Variants in ALK observed in about 807,000 individuals in gnomAD.
ALK encodes ALK tyrosine kinase receptor.
Under a neutral mutation model 163.1 loss-of-function variants are expected in ALK, and 74 were observed. The ratio of observed to expected loss-of-function variants is 0.45; its 90% CI spans 0.38 to 0.55. The LOEUF is 0.55. Among genes scored for constraint, ALK ranks in the 20% least tolerant of loss-of-function variants. ALK has a pLI of 0.00. For missense variants in ALK, 2,063 were observed against 2,105.3 expected (o/e 0.98, Z 0.39); for synonymous variants, 960 against 843.2 (o/e 1.14, Z -2.40).
chr2:29,705,287 A>ATATC (rs1358711305), intron 2 of ALK, among the ~76,000 whole-genome samples: 30 of 117,632 alleles, frequency 2.6e-4, no homozygotes, highest in African/African-American at 4.6e-4. Flanking sequence ...ATATAAATAT[A>ATATC]TATCTGCTGT....
chr2:29,608,294 T>C (rs1351418017), intron 3 of ALK, among the ~76,000 whole-genome samples: 3 of 152,232 alleles, frequency 2.0e-5, no homozygotes, highest in African/African-American at 2.4e-5. Flanking sequence ...CTAGAACATA[T>C]GCTTCATGAA....
At chr2:29,528,736 A>AT (rs915415360) in intron 4 of ALK, among the ~76,000 whole-genome samples, 1 of 152,186 alleles carries the variant, frequency 6.6e-6, no homozygotes, top group African/African-American at 2.4e-5. Flanking sequence ...ATGCCATTTC[A>AT]CAGCTCACCA....
chr2:29,229,005 C>A lies in ALK; in HGVS notation c.2694G>T (p.Glu898Asp), dbSNP rs1297457984. Residue 898 changes from glutamate (E) to aspartate (D), a missense_variant, in exon 16 of 29, where the codon GAG (glutamate) becomes GAT (aspartate). Glu to Asp is a conservative substitution (Grantham distance 45). Transcript: ENST00000389048. ...GGCAGGAATGTCCTCCGGTGGCACC[C>A]TCCTGCAAAGATTTTCCGGCCCAGA... ...SLLWAGKSLQ[E>D]GATGGHSCPQ... The A allele has an allele frequency of 6.2e-7, 1 of 1,613,432 alleles. No individual in the cohort carries two copies. Among genetic ancestry groups the A allele is most frequent in the Non-Finnish European group, 8.5e-7 (1 of 1,179,806 alleles).
rs1491072132 is a variant in ALK at position 29,288,959 on chromosome 2, T to TAAAAA, written c.1817+7928_1817+7929insTTTTT. Among the ~76,000 whole-genome samples the TAAAAA allele has an allele frequency of 1.2e-3, 31 of 25,016 alleles. 5 individuals carry two copies. Among genetic ancestry groups the TAAAAA allele is most frequent in the Non-Finnish European group, 1.1e-3 (10 of 9,254 alleles). The allele number at this position is 25,016 out of a possible 152,430, so 16.4% of individuals were successfully genotyped here. On this transcript the variant is annotated intron_variant, in intron 9 of 28. Transcript: ENST00000389048. The stretch of plus-strand genomic sequence containing the variant: ...AGAGGGAGACTCCTTCTCAAAAAAA[T>TAAAAA]AAATAAATAAATAAATAAATAAATA...
intron 1 of ALK, among the ~76,000 whole-genome samples, chr2:29,738,858 T>A (rs140523353): frequency 6.6e-6 from 1 of 152,248 alleles, no homozygotes; most frequent in African/African-American, 2.4e-5. Context: ...GGATATTTGC[T>A]ATTGACAATC....
chr2:29,578,480 C>T (rs116273272), intron 3 of ALK, among the ~76,000 whole-genome samples: 269 of 152,244 alleles, frequency 1.8e-3, no homozygotes, highest in African/African-American at 6.2e-3. Flanking sequence ...GTGCTGATGC[C>T]GAAAGGGTCT....
chr2:29,272,055 T>A (rs1261957610), intron 11 of ALK, among the ~76,000 whole-genome samples: 1 of 152,132 alleles, frequency 6.6e-6, no homozygotes, highest in Non-Finnish European at 1.5e-5. Context: ...CTGGGCTTTT[T>A]AGGGAAAGAG....
Position 29,665,011 on chromosome 2 carries a change from T to C in ALK, c.952+29839A>G, listed in dbSNP as rs1677471257. Among the ~76,000 whole-genome samples the C allele has an allele frequency of 3.3e-5, 5 of 150,626 alleles. No homozygotes were observed. In the South Asian group the frequency reaches 1.1e-3, roughly 32 times the overall value. ...CTTTTTTTTCTTTTTTTCTTTTTTT[T>C]TTTTTTTGAGACCTGCTCTCACTGT... On this transcript the variant is annotated intron_variant, in intron 3 of 28. Transcript: ENST00000389048.
chr2:29,264,220 G>T (rs1166617806), intron 11 of ALK, among the ~76,000 whole-genome samples: 2 of 152,202 alleles, frequency 1.3e-5, no homozygotes, highest in Admixed American at 1.3e-4. Flanking sequence ...AAGGCCTTCA[G>T]AGCTTTGGGT....
chr2:29,519,090 G>A (rs1423321438), intron 4 of ALK, among the ~76,000 whole-genome samples: 3 of 152,216 alleles, frequency 2.0e-5, no homozygotes, highest in Non-Finnish European at 4.4e-5. Flanking sequence ...AAACACAAGA[G>A]GTTTGGAGAT....
chr2:29,515,832 A>T (rs746731662), intron 4 of ALK, among the ~76,000 whole-genome samples: 7 of 152,242 alleles, frequency 4.6e-5, no homozygotes, highest in African/African-American at 7.2e-5. Context: ...TTTAGAAACA[A>T]TTAAGTATAG....
At chr2:29,327,298 G>A (rs915914658) in intron 6 of ALK, among the ~76,000 whole-genome samples, 2 of 152,122 alleles carry the variant, frequency 1.3e-5, no homozygotes, top group Admixed American at 6.5e-5. Context: ...AAGCACAGAC[G>A]CTGTGCCAGG....
chr2:29,818,691 T>A (rs576066522), intron 1 of ALK, among the ~76,000 whole-genome samples: 12 of 152,248 alleles, frequency 7.9e-5, no homozygotes, highest in Non-Finnish European at 1.5e-4. Context: ...GGTTTGACTG[T>A]GGCTGGCACA....
chr2:29,897,203 C>T (rs1021483405), intron 1 of ALK, among the ~76,000 whole-genome samples: 12 of 152,064 alleles, frequency 7.9e-5, no homozygotes, highest in African/African-American at 2.7e-4. Context: ...GCCTGTAATC[C>T]CAGCTACTCG....
intron 1 of ALK, among the ~76,000 whole-genome samples, chr2:29,732,616 C>T (rs901303607): frequency 6.6e-5 from 10 of 152,180 alleles, no homozygotes; most frequent in Non-Finnish European, 7.3e-5. Context: ...ATTCACATGT[C>T]GAAACCCACT....
chr2:29,810,247 C>G (rs182524321), intron 1 of ALK, among the ~76,000 whole-genome samples: 31 of 152,032 alleles, frequency 2.0e-4, no homozygotes, highest in African/African-American at 7.0e-4. Flanking sequence ...CAGGGTGATA[C>G]GCCATCTCTA....
intron 3 of ALK, among the ~76,000 whole-genome samples, chr2:29,644,098 G>A (rs1186748615): frequency 6.6e-6 from 1 of 151,976 alleles, no homozygotes; most frequent in African/African-American, 2.4e-5. Context: ...GTCCTTTGTA[G>A]GGACATGGAT....
At chr2:29,660,736 C>T (rs1042532118) in intron 3 of ALK, among the ~76,000 whole-genome samples, 5 of 151,752 alleles carry the variant, frequency 3.3e-5, no homozygotes, top group Non-Finnish European at 5.9e-5. Context: ...AGGCAGGGGG[C>T]CATGGAAAGC....
chr2:29,612,682 T>C (rs1003009696), intron 3 of ALK, among the ~76,000 whole-genome samples: 1 of 152,180 alleles, frequency 6.6e-6, no homozygotes, highest in African/African-American at 2.4e-5. Context: ...GAGTCTGTGA[T>C]GGCAACATCT....
Sources: allele counts gnomAD v4.1 joint callset (sites outside exome capture counted in the v4.1 genomes callset), GRCh38; gene constraint gnomAD v4.1.1; transcripts MANE v1.5; gene names NCBI Gene and HGNC (gene_info 2026-07-23, HGNC 2026-07-21).